HLTF: variants seen among roughly 807,000 people sequenced by gnomAD.
The protein encoded by HLTF is DNA-dependent ATPase/E3 ubiquitin-protein ligase HLTF.
In HLTF, 127 loss-of-function variants were observed where a neutral mutation model predicts 129.4. The ratio of observed to expected loss-of-function variants is 0.98; its 90% CI spans 0.85 to 1.14. HLTF has a LOEUF of 1.14. Among genes scored for constraint, HLTF ranks in the 50% most tolerant of loss-of-function variants. HLTF has a pLI of 0.00. For missense variants in HLTF, 1,139 were observed against 1,187.1 expected (o/e 0.96, Z 0.60); for synonymous variants, 332 against 388.8 (o/e 0.85, Z 1.72).
At chr3:149,068,980 C>G (rs1006913619) in intron 7 of HLTF, among the ~76,000 whole-genome samples, 1 of 152,028 alleles carries the variant, frequency 6.6e-6, no homozygotes, top group Non-Finnish European at 1.5e-5. Context: ...CACGAAAATG[C>G]AAAGTCAAAA....
At chr3:149,050,178 C>A (rs141501286) in intron 15 of HLTF, 54 bp downstream of exon 15, 1,288 of 1,205,522 alleles carry the variant, frequency 1.1e-3, no homozygotes, top group Non-Finnish European at 1.4e-3. Context: ...AAACCTGTGG[C>A]ATATTTCTTA....
chr3:149,041,900 A>G, intron 19 of HLTF: 1 of 576,634 alleles, frequency 1.7e-6, no homozygotes, highest in Non-Finnish European at 3.1e-6. Flanking sequence ...TGACAATAAC[A>G]TACCACCACA....
chr3:149,076,072 T>G (rs758336149), intron 2 of HLTF, 25 bp from the exon 3 acceptor site: 1 of 873,720 alleles, frequency 1.1e-6, no homozygotes, highest in African/African-American at 1.7e-5. Context: ...AAACAGATAA[T>G]ATTACATTAT....
At chr3:149,061,535 C>T (rs1717945982) in intron 10 of HLTF, among the ~76,000 whole-genome samples, 1 of 151,890 alleles carries the variant, frequency 6.6e-6, no homozygotes, top group Non-Finnish European at 1.5e-5. Context: ...AAAACTGGAA[C>T]AAAAAAGAAT....
chr3:149,030,344 A>G lies in HLTF; in HGVS notation c.*1876T>C, dbSNP rs1714896686. 6.6e-6 allele frequency: 1 copy of G among 152,200 alleles called. No homozygotes were observed. The highest frequency in any genetic ancestry group is 6.5e-5 in the Admixed American group (1 of 15,284). The allele number at this position is 152,200 out of a possible 1,614,324, so 9.4% of individuals were successfully genotyped here. Reference sequence around the variant, plus strand: ...AAGGACAAATTAAATTTTTTAAATTAAACTTTTAAAATATAACAACATCTA... The same window carrying G: ...AAGGACAAATTAAATTTTTTAAATTGAACTTTTAAAATATAACAACATCTA... On this transcript the variant is annotated 3_prime_UTR_variant, in exon 25 of 25. Transcript: ENST00000310053.
chr3:149,069,995 C>G (rs1459105091), intron 7 of HLTF, among the ~76,000 whole-genome samples: 2 of 152,104 alleles, frequency 1.3e-5, no homozygotes, highest in African/African-American at 2.4e-5. Flanking sequence ...CTCAATGAAC[C>G]AACATTTTCT....
rs1362835223 is a variant in HLTF, at chr3:149,059,489, G to A, written c.1375+229C>T. On this transcript the variant is annotated intron_variant, in intron 13 of 24. Transcript: ENST00000310053. ...ATATCTCTGCTATTCAGAGGAGTAA[G>A]GGCCCCCATCACATTTTGGCCCTAA... The A allele has an allele frequency of 2.2e-5, 11 of 499,356 alleles. No homozygotes were observed. In the Admixed American group the frequency reaches 3.8e-4, roughly 17 times the overall value. 30.9% of individuals were successfully genotyped at this position (499,356 alleles called of 1,614,324 possible). A position where few individuals can be genotyped will look rare whatever the true frequency, so the allele number is the denominator to read the frequency against.
chr3:149,055,177 T>C, intron 14 of HLTF, 126 bp downstream of exon 14: 5 of 598,692 alleles, frequency 8.4e-6, no homozygotes, highest in Non-Finnish European at 1.1e-5. Flanking sequence ...TGATGATTAT[T>C]TGAACTTAGA....
intron 2 of HLTF, among the ~76,000 whole-genome samples, chr3:149,081,024 T>A (rs1719815018): frequency 6.6e-6 from 1 of 152,158 alleles, no homozygotes; most frequent in South Asian, 2.1e-4. Context: ...TGTACTTTTT[T>A]CATGTTATAT....
chr3:149,081,068 A>G (rs926951150), intron 2 of HLTF, among the ~76,000 whole-genome samples: 2 of 152,156 alleles, frequency 1.3e-5, no homozygotes, highest in Non-Finnish European at 2.9e-5. Context: ...ACAATTGCCC[A>G]CAGTATTCAG....
At chr3:149,071,000 G>A (rs1313209678) in intron 7 of HLTF, among the ~76,000 whole-genome samples, 2 of 151,052 alleles carry the variant, frequency 1.3e-5, no homozygotes, top group Non-Finnish European at 2.9e-5. Context: ...AGCCAAGATC[G>A]CGTCACTGCA....
chr3:149,075,096 G>GT (rs1159880977), intron 3 of HLTF, among the ~76,000 whole-genome samples: 3 of 152,268 alleles, frequency 2.0e-5, no homozygotes, highest in South Asian at 4.1e-4. Context: ...AGAAAAATAA[G>GT]TTTTTTGTAT....
At chr3:149,043,347 C>T (rs1239390151) in intron 18 of HLTF, among the ~76,000 whole-genome samples, 1 of 151,236 alleles carries the variant, frequency 6.6e-6, no homozygotes, top group African/African-American at 2.4e-5. Flanking sequence ...TGTAAAAGAT[C>T]AGAAATAAAA....
intron 7 of HLTF, among the ~76,000 whole-genome samples, chr3:149,069,236 C>T (rs1472384918): frequency 6.6e-6 from 1 of 152,028 alleles, no homozygotes; most frequent in Non-Finnish European, 1.5e-5. Flanking sequence ...CTTTGGGAGG[C>T]CGAAGCAGGT....
In HLTF at chr3:149,050,239, T is replaced by G; in HGVS notation, c.1610A>C (p.Asp537Ala). Reference protein sequence around the residue: ...VLTTYNILTHDYGTKGDSPLH... With the variant: ...VLTTYNILTHAYGTKGDSPLH... Reference sequence around the variant, plus strand: ...AGTATCAACAATACTTACTCCATAGTCATGAGTTAAAATATTATACGTAGT... The same window carrying G: ...AGTATCAACAATACTTACTCCATAGGCATGAGTTAAAATATTATACGTAGT... The change falls in exon 15 of 25, where the codon GAC becomes GCC. Residue 537 changes from aspartate to alanine, a missense_variant. By Grantham distance (126) the Asp-to-Ala change is moderately radical. Coordinates refer to ENST00000310053, the MANE Select transcript of HLTF (RefSeq NM_003071.4). 1 of 1,577,384 alleles carries G rather than the reference T, an allele frequency of 6.3e-7. No homozygotes were observed. Among genetic ancestry groups the G allele is most frequent in the Non-Finnish European group, 8.7e-7 (1 of 1,152,398 alleles).
rs920246098 is a variant in HLTF, at chr3:149,086,511, G to A, written c.-175C>T. ...GCCGCGAGTCCAGTCAGACGTCGAC[G>A]CCGTCTCCTTCTGCAACAATCTGGG... is the stretch of plus-strand genomic sequence containing the variant. On this transcript the variant is annotated 5_prime_UTR_variant, in exon 1 of 25. Transcript: ENST00000310053. 3.1e-6 allele frequency: 2 copies of A among 655,176 alleles called. No individual in the cohort carries two copies. The highest frequency in any genetic ancestry group is 2.8e-5 in the Admixed American group (1 of 35,564). The allele number at this position is 655,176 out of a possible 1,614,324, so 40.6% of individuals were successfully genotyped here. A position where few individuals can be genotyped will look rare whatever the true frequency, so the allele number is the denominator to read the frequency against.
chr3:149,040,416 A>G (rs999471052), intron 20 of HLTF, among the ~76,000 whole-genome samples: 1 of 148,116 alleles, frequency 6.8e-6, no homozygotes, highest in African/African-American at 2.5e-5. Flanking sequence ...ACCAAAAATT[A>G]TAACATTGTA....
chr3:149,032,923 A>G (rs994557518), intron 24 of HLTF, among the ~76,000 whole-genome samples: 6 of 146,996 alleles, frequency 4.1e-5, no homozygotes, highest in African/African-American at 1.6e-4. Flanking sequence ...ACATTGCGCC[A>G]CTGCACTCCA....
intron 8 of HLTF, among the ~76,000 whole-genome samples, chr3:149,065,109 C>T (rs73866946): frequency 0.071 from 10,796 of 151,458 alleles, 462 homozygotes; most frequent in South Asian, 0.15. Flanking sequence ...TTCACCTTTT[C>T]GAAAGGAATA....
Sources: gnomAD v4.1 joint callset for allele counts (sites outside exome capture counted in the v4.1 genomes callset) on GRCh38, gnomAD v4.1.1 for gene constraint, MANE v1.5 for transcripts, NCBI Gene and HGNC (gene_info 2026-07-23, HGNC 2026-07-21) for gene names.